A2M: variants seen among roughly 807,000 people sequenced by gnomAD.
A2M encodes alpha-2-macroglobulin.
A neutral mutation model predicts 183.9 loss-of-function variants in A2M; 128 were observed. The ratio of observed to expected loss-of-function variants is 0.70; its 90% CI spans 0.60 to 0.81. A2M has a LOEUF of 0.81. A2M is among the 30% of genes least tolerant of loss of function. A2M has a pLI of 0.00. For missense variants in A2M, 1,495 were observed against 1,787.6 expected, an observed-to-expected ratio of 0.84 and a Z score of 2.95; for synonymous variants, 592 against 670.8, an observed-to-expected ratio of 0.88 and a Z score of 1.81.
intron 11 of A2M, 110 bp downstream of exon 11, chr12:9,104,129 T>G (rs1210445730): frequency 3.5e-6 from 4 of 1,131,484 alleles, no homozygotes; most frequent in Non-Finnish European, 4.9e-6. Context: ...TAATTGCTAG[T>G]TTTTTTCTCT....
intron 22 of A2M, among the ~76,000 whole-genome samples, chr12:9,082,439 C>T (rs1948934857): frequency 6.6e-6 from 1 of 152,162 alleles, no homozygotes; most frequent in South Asian, 2.1e-4. Flanking sequence ...GTGGCCCTAC[C>T]AAACATAAGA....
At chr12:9,068,596 A>G (rs1176563599) in intron 34 of A2M, 144 bp downstream of exon 34, 6 of 707,188 alleles carry the variant, frequency 8.5e-6, no homozygotes, top group Non-Finnish European at 1.4e-5. Flanking sequence ...TAAGAGACAA[A>G]AAGAGGGGCA....
At chr12:9,116,152 C>T (rs1939104450), upstream of A2M, 1 of 368,816 alleles carries the variant, frequency 2.7e-6, no homozygotes, top group Non-Finnish European at 5.3e-6. Context: ...AGCTAATAAG[C>T]TTTTCAACCT....
chr12:9,092,289 CT>C (rs1382481070), intron 18 of A2M, among the ~76,000 whole-genome samples: 6 of 152,156 alleles, frequency 3.9e-5, no homozygotes, highest in African/African-American at 1.4e-4. Context: ...ACCTAAGGGT[CT>C]GGCTCCTAAA....
At chr12:9,069,045 AT>A in intron 33 of A2M, 1 of 467,912 alleles carries the variant, frequency 2.1e-6, no homozygotes, top group Non-Finnish European at 3.8e-6. Flanking sequence ...CATAACGCAT[AT>A]ACCTCTGTCA....
At chr12:9,077,477 G>C in intron 26 of A2M, 57 bp from the exon 27 acceptor site, 1 of 1,531,916 alleles carries the variant, frequency 6.5e-7, no homozygotes, top group Non-Finnish European at 8.9e-7. Flanking sequence ...CTATTGATTA[G>C]TTCTTTCTAT....
At chr12:9,089,286 G>A in intron 21 of A2M, 35 bp from the exon 22 acceptor site, 1 of 1,459,388 alleles carries the variant, frequency 6.9e-7, no homozygotes, top group Non-Finnish European at 9.5e-7. Flanking sequence ...AGTGAGAATG[G>A]ACTGACCTTC....
At chr12:9,115,519 T>G (rs189924209) in intron 1 of A2M, 83 of 389,030 alleles carry the variant, frequency 2.1e-4, no homozygotes, top group African/African-American at 1.6e-3. Context: ...AATTTATTCT[T>G]TTAAAAAGCT....
chr12:9,068,288 A>G (rs1279028481), intron 34 of A2M, 64 bp from the exon 35 acceptor site: 11 of 1,534,628 alleles, frequency 7.2e-6, no homozygotes, highest in Non-Finnish European at 9.7e-6. Context: ...GAAAGCAAAC[A>G]TCTGTGGGAT....
At chr12:9,101,057 A>G (rs756937704) in intron 13 of A2M, 87 bp downstream of exon 13, 378 of 1,287,330 alleles carry the variant, frequency 2.9e-4, no homozygotes, top group Non-Finnish European at 3.6e-4. Flanking sequence ...CCTATGGAAA[A>G]AAAGGGAAAG....
intron 13 of A2M, among the ~76,000 whole-genome samples, chr12:9,100,568 C>T (rs1459435654): frequency 1.3e-5 from 2 of 152,056 alleles, no homozygotes; most frequent in East Asian, 1.9e-4. Flanking sequence ...CGTAAGCCAT[C>T]ATAGCTGGCC....
chr12:9,074,053 A>C (rs562534484), intron 29 of A2M, among the ~76,000 whole-genome samples: 7 of 148,746 alleles, frequency 4.7e-5, no homozygotes, highest in Non-Finnish European at 1.0e-4. Flanking sequence ...GCACCACTGC[A>C]TTCCAGCCTA....
intron 23 of A2M, 120 bp from the exon 24 acceptor site, chr12:9,079,935 C>CTAAAA: frequency 9.1e-7 from 1 of 1,096,604 alleles, no homozygotes. Flanking sequence ...ATGATTCTTC[C>CTAAAA]AGGGATAGAA....
At chr12:9,081,068 A>C (rs1462947389) in intron 22 of A2M, among the ~76,000 whole-genome samples, 2 of 152,200 alleles carry the variant, frequency 1.3e-5, no homozygotes, top group Non-Finnish European at 2.9e-5. Context: ...TTTGTAAAAA[A>C]ACAGATGCCA....
In A2M at chr12:9,090,527, G is replaced by C; in HGVS notation, c.2470-45C>G. 1.9e-6 allele frequency: 3 copies of C among 1,598,906 alleles called. No homozygotes were observed. The South Asian group carries it at 3.3e-5, about 18-fold the overall frequency. On this transcript the variant is annotated intron_variant, in intron 19 of 35. Transcript: ENST00000318602. ...AGGGAGTAGAGAGGGAAGGAGAACA[G>C]AGGGAGAATGGGTTTGAAGTAAAGC... is the stretch of plus-strand genomic sequence containing the variant.
At chr12:9,110,737 AAATT>A (rs1346181646) in intron 4 of A2M, among the ~76,000 whole-genome samples, 14 of 152,268 alleles carry the variant, frequency 9.2e-5, no homozygotes, top group African/African-American at 2.9e-4. Context: ...TAAAAAATCT[AAATT>A]AGTTTCATAT....
At chr12:9,102,800 G>A (rs1460464318) in intron 11 of A2M, among the ~76,000 whole-genome samples, 5 of 152,174 alleles carry the variant, frequency 3.3e-5, no homozygotes, top group African/African-American at 9.7e-5. Context: ...GTGCTGGCAC[G>A]TGGAAAGCAT....
At chr12:9,112,837 A>G (rs1441398061) in intron 2 of A2M, 2 of 370,040 alleles carry the variant, frequency 5.4e-6, no homozygotes, top group African/African-American at 4.1e-5. Context: ...CTGATATTAC[A>G]TGCTAAAAGG....
At chr12:9,088,217 G>A (rs1021144196) in intron 22 of A2M, among the ~76,000 whole-genome samples, 3 of 149,970 alleles carry the variant, frequency 2.0e-5, no homozygotes, top group Non-Finnish European at 4.4e-5. Flanking sequence ...ACTGAAAAAT[G>A]TTCAGGGGGG....
Sources: allele counts gnomAD v4.1 joint callset (sites outside exome capture counted in the v4.1 genomes callset), GRCh38; gene constraint gnomAD v4.1.1; transcripts MANE v1.5; gene names NCBI Gene and HGNC (gene_info 2026-07-23, HGNC 2026-07-21).